TSPAN3: variants seen among roughly 807,000 people sequenced by gnomAD.
TSPAN3 encodes tetraspanin-3.
A neutral mutation model predicts 31.1 loss-of-function variants in TSPAN3; 9 were observed. The ratio of observed to expected loss-of-function variants is 0.29; its 90% CI spans 0.17 to 0.50. TSPAN3 has a LOEUF of 0.50. Ranked by LOEUF, TSPAN3 falls within the 20% of genes least tolerant of loss-of-function variation. The pLI, the probability that TSPAN3 is intolerant of heterozygous loss-of-function variation, is 0.98. For missense variants in TSPAN3, 252 were observed against 313.5 expected (o/e 0.80, Z 1.48); for synonymous variants, 129 against 114.3 (o/e 1.13, Z -0.82).
chr15:77,045,512 A>G lies in TSPAN3; in HGVS notation c.*1323T>C, dbSNP rs1214578009. On this transcript the variant is annotated 3_prime_UTR_variant, in exon 7 of 7. Coordinates refer to ENST00000267970, the MANE Select transcript of TSPAN3 (RefSeq NM_005724.6). ...TCTCACCTCCACAGGATGTTCCGTA[A>G]GACACTAGAGGGCCTGGGCTTTCCT... 3 of 152,274 alleles carry G rather than the reference A, an allele frequency of 2.0e-5. No individual in the cohort carries two copies. Among genetic ancestry groups the G allele is most frequent in the African/African-American group, 7.2e-5 (3 of 41,448 alleles). 9.4% of individuals were successfully genotyped at this position (152,274 alleles called of 1,614,324 possible).
At position 77,056,092 on chromosome 15, in the gene TSPAN3, A is replaced by C; in HGVS notation, c.227T>G (p.Ile76Ser). The C allele has an allele frequency of 6.2e-7, 1 of 1,610,848 alleles. No homozygotes were observed. The highest frequency in any genetic ancestry group is 8.5e-7 in the Non-Finnish European group (1 of 1,178,908). ...IIGLIGCCAT[I>S]RESRCGLATF... Reference sequence around the variant, plus strand: ...GGCAAGTCCACAGCGACTTTCCCGGATTGTGGCACAGCAGCCAATTAGCCC... The same window carrying C: ...GGCAAGTCCACAGCGACTTTCCCGGCTTGTGGCACAGCAGCCAATTAGCCC... The change falls in exon 2 of 7, where the codon ATC becomes AGC. Residue 76 changes from isoleucine (I) to serine (S), a missense_variant. Transcript: ENST00000267970.
chr15:77,063,598 C>A (rs1485956930), intron 1 of TSPAN3: 1 of 151,902 alleles, frequency 6.6e-6, no homozygotes, highest in East Asian at 1.9e-4. Flanking sequence ...ATATTTTAAT[C>A]CTTTTTACTG....
rs2076671359 is a variant in TSPAN3, at chr15:77,043,537, T to C, written c.*3298A>G. 1.3e-5 allele frequency: 2 copies of C among 152,102 alleles called. No homozygotes were observed. Among genetic ancestry groups the C allele is most frequent in the Admixed American group, 1.3e-4 (2 of 15,254 alleles). The allele number at this position is 152,102 out of a possible 1,614,324, so 9.4% of individuals were successfully genotyped here. ...ACCTGGAATGCAAAACCAAATCTAA[T>C]CACGAGGAAATCGCAGACAAACACA... On this transcript the variant is annotated 3_prime_UTR_variant, in exon 7 of 7. Transcript: ENST00000267970.
chr15:77,064,472 G>A (rs567142302), intron 1 of TSPAN3: 1 of 152,088 alleles, frequency 6.6e-6, no homozygotes, highest in East Asian at 1.9e-4. Flanking sequence ...TGGATCTTAT[G>A]GAATAAAATT....
chr15:77,061,356 C>T (rs1191964253), intron 1 of TSPAN3, among the ~76,000 whole-genome samples: 4 of 152,018 alleles, frequency 2.6e-5, no homozygotes, highest in African/African-American at 9.7e-5. Context: ...GCAGAAACCC[C>T]GTCTCTACTA....
chr15:77,067,943 C>CACA (rs2076843140), intron 1 of TSPAN3: 1 of 152,172 alleles, frequency 6.6e-6, no homozygotes, highest in Admixed American at 6.5e-5. Context: ...CAGGCTGTAT[C>CACA]ACACCTTGGG....
At chr15:77,068,505 T>C (rs535452212) in intron 1 of TSPAN3, among the ~76,000 whole-genome samples, 2 of 152,188 alleles carry the variant, frequency 1.3e-5, no homozygotes, top group Non-Finnish European at 2.9e-5. Context: ...ACAATTCCAG[T>C]CCCTGAGCTT....
At chr15:77,050,282 A>C (rs1174157586) in intron 6 of TSPAN3, among the ~76,000 whole-genome samples, 1 of 152,164 alleles carries the variant, frequency 6.6e-6, no homozygotes, top group African/African-American at 2.4e-5. Context: ...CTTAAAACCC[A>C]AGTTTTTAAA....
intron 1 of TSPAN3, among the ~76,000 whole-genome samples, chr15:77,056,865 G>A (rs540359780): frequency 6.6e-6 from 1 of 152,252 alleles, no homozygotes; most frequent in South Asian, 2.1e-4. Context: ...TAGAATGGTG[G>A]TTCTCAAACT....
intron 1 of TSPAN3, chr15:77,070,189 C>T (rs562294046): frequency 6.6e-6 from 1 of 152,228 alleles, no homozygotes; most frequent in African/African-American, 2.4e-5. Context: ...TCATAAGCCA[C>T]CTTTTATTGA....
chr15:77,067,356 C>T (rs1287419192), intron 1 of TSPAN3, among the ~76,000 whole-genome samples: 1 of 152,160 alleles, frequency 6.6e-6, no homozygotes, highest in Non-Finnish European at 1.5e-5. Context: ...TAATTTACAG[C>T]CTGAGTATTT....
Position 77,046,313 on chromosome 15 carries a change from A to C in TSPAN3, c.*522T>G, listed in dbSNP as rs747929201. On this transcript the variant is annotated 3_prime_UTR_variant, in exon 7 of 7. Transcript: ENST00000267970. The stretch of plus-strand genomic sequence containing the variant: ...CAAGATATACGCCATATGATCCTAC[A>C]ATCTATTTTAGTCATTTTGTACAGC... 1.8e-5 allele frequency: 7 copies of C among 399,842 alleles called. No individual in the cohort carries two copies. The highest frequency in any genetic ancestry group is 3.1e-5 in the Non-Finnish European group (7 of 226,688). 24.8% of individuals were successfully genotyped at this position (399,842 alleles called of 1,614,324 possible). A position where few individuals can be genotyped will look rare whatever the true frequency, so the allele number is the denominator to read the frequency against.
chr15:77,047,605 C>T (rs1222302277), intron 6 of TSPAN3, among the ~76,000 whole-genome samples: 2 of 152,144 alleles, frequency 1.3e-5, no homozygotes, highest in African/African-American at 4.8e-5. Flanking sequence ...TGAAAGGTCA[C>T]TCTTCCGTCA....
intron 1 of TSPAN3, among the ~76,000 whole-genome samples, chr15:77,065,130 G>C (rs2076824226): frequency 6.6e-6 from 1 of 152,156 alleles, no homozygotes; most frequent in Non-Finnish European, 1.5e-5. Context: ...AATCACCCAA[G>C]TCAGCAACTT....
intron 1 of TSPAN3, among the ~76,000 whole-genome samples, chr15:77,059,630 T>G (rs1013502818): frequency 1.3e-5 from 2 of 152,058 alleles, no homozygotes; most frequent in African/African-American, 4.8e-5. Flanking sequence ...ATGTTGTAGG[T>G]TTTTTTTACT....
At chr15:77,052,169 TCC>T (rs796228875) in intron 6 of TSPAN3, among the ~76,000 whole-genome samples, 145 of 152,274 alleles carry the variant, frequency 9.5e-4, no homozygotes, top group African/African-American at 3.3e-3. Context: ...CAACACGTGG[TCC>T]CTCCCCATCC....
chr15:77,064,230 T>C (rs1209485387), intron 1 of TSPAN3: 1 of 152,170 alleles, frequency 6.6e-6, no homozygotes, highest in African/African-American at 2.4e-5. Context: ...GAGTAAGATT[T>C]CTGGGGGAAA....
intron 1 of TSPAN3, among the ~76,000 whole-genome samples, chr15:77,066,802 A>T (rs985022529): frequency 1.3e-5 from 2 of 152,210 alleles, no homozygotes; most frequent in African/African-American, 4.8e-5. Flanking sequence ...ATTTGGTGAG[A>T]AACTGTCTTA....
At chr15:77,054,133 A>G in intron 4 of TSPAN3, 45 bp downstream of exon 4, 1 of 1,366,894 alleles carries the variant, frequency 7.3e-7, no homozygotes, top group Non-Finnish European at 1.0e-6. Context: ...TGTTGACCCA[A>G]TCGTGATTGG....
Sources: allele counts gnomAD v4.1 joint callset (sites outside exome capture counted in the v4.1 genomes callset), GRCh38; gene constraint gnomAD v4.1.1; transcripts MANE v1.5; gene names NCBI Gene and HGNC (gene_info 2026-07-23, HGNC 2026-07-21).